The following TRIM64C variants were observed in gnomAD, a reference collection of about 807,000 sequenced individuals.
The protein encoded by TRIM64C is tripartite motif containing 64C.
In TRIM64C, 25 loss-of-function variants were observed where a neutral mutation model predicts 36.1. That is an observed-to-expected ratio of 0.69 (90% CI 0.51 to 0.97). The LOEUF is 0.97. Ranked by LOEUF, TRIM64C falls within the 50% of genes least tolerant of loss-of-function variation. TRIM64C has a pLI of 0.00. For missense variants in TRIM64C, 489 were observed against 536.8 expected, an observed-to-expected ratio of 0.91 and a Z score of 0.88; for synonymous variants, 212 against 185.7, an observed-to-expected ratio of 1.14 and a Z score of -1.15.
intron 5 of TRIM64C, 32 bp downstream of exon 5, chr11:49,055,278 T>C: frequency 6.5e-7 from 1 of 1,535,102 alleles, no homozygotes; most frequent in East Asian, 2.4e-5. Context: ...GGAAATAATT[T>C]GAGGCTGGAC....
chr11:49,057,745 A>G (rs1854830104), intron 2 of TRIM64C: 1 of 478,300 alleles, frequency 2.1e-6, no homozygotes, highest in South Asian at 1.7e-5. Context: ...CTTTTACTAT[A>G]TTTTTACTCT....
intron 2 of TRIM64C, among the ~76,000 whole-genome samples, chr11:49,057,596 T>C (rs1404434148): frequency 6.6e-6 from 1 of 151,874 alleles, no homozygotes; most frequent in Non-Finnish European, 1.5e-5. Flanking sequence ...CTGGTTTCCG[T>C]CACTGTAATG....
intron 3 of TRIM64C, 114 bp downstream of exon 3, chr11:49,057,034 A>T: frequency 3.7e-6 from 5 of 1,339,448 alleles, no homozygotes; most frequent in Non-Finnish European, 5.2e-6. Context: ...TGGAAGTCAC[A>T]CAGCATGTGT....
rs61886906 is a variant in TRIM64C, at chr11:49,054,069, G to A, written c.998C>T (p.Ala333Val). 0.048 allele frequency: 74,950 copies of A among 1,551,502 alleles called. 2,097 individuals carry two copies. Among genetic ancestry groups the A allele is most frequent in the Non-Finnish European group, 0.056 (63,706 of 1,146,832 alleles). Residue 333 changes from alanine to valine, a missense_variant, in exon 6 of 6, where the codon GCG (alanine) becomes GTG (valine). By Grantham distance (64) the Ala-to-Val change is moderately conservative (BLOSUM62 0). Coordinates refer to ENST00000617704, the MANE Select transcript of TRIM64C (RefSeq NM_001206631.1). Reference sequence around the variant, plus strand: ...ATGCTTGCCGGAGGTGAATGCTTGCGCACACCACACAGCAAAGCTCTCCAC... The same window carrying A: ...ATGCTTGCCGGAGGTGAATGCTTGCACACACCACACAGCAAAGCTCTCCAC... ...QGVESFAVWCAQAFTSGKHYW... is the reference protein window; with the variant it reads ...QGVESFAVWCVQAFTSGKHYW...
intron 1 of TRIM64C, among the ~76,000 whole-genome samples, 198 bp downstream of exon 1, chr11:49,058,503 C>T (rs1287138920): frequency 6.6e-6 from 1 of 151,752 alleles, no homozygotes; most frequent in Non-Finnish European, 1.5e-5. Flanking sequence ...AAGGAAACCT[C>T]CTTTAGTGAA....
chr11:49,058,146 A>C lies in TRIM64C; in HGVS notation c.439T>G (p.Leu147Val). ...TGTGTCTCTTGATTGATTTTCCATA[A>C]ATAGTCCATTTCCTTTATAAGTTTC... ...VQKLIKEMDYLWKINQETQNN... is the reference protein window; with the variant it reads ...VQKLIKEMDYVWKINQETQNN... Residue 147 changes from leucine to valine, a missense_variant, in exon 2 of 6, where the codon TTA (leucine) becomes GTA (valine). Transcript: ENST00000617704. The C allele has an allele frequency of 6.5e-7, 1 of 1,529,980 alleles. No homozygotes were observed. Among genetic ancestry groups the C allele is most frequent in the Non-Finnish European group, 8.7e-7 (1 of 1,144,286 alleles). 94.8% of individuals were successfully genotyped at this position (1,529,980 alleles called of 1,614,324 possible).
intron 4 of TRIM64C, 129 bp downstream of exon 4, chr11:49,056,230 A>C (rs2134720624): frequency 2.9e-6 from 2 of 695,396 alleles, no homozygotes; most frequent in East Asian, 2.9e-5. Context: ...AGAAGATCTC[A>C]GGCCCTCTTT....
chr11:49,057,103 C>T, intron 3 of TRIM64C, 45 bp downstream of exon 3: 1 of 1,547,964 alleles, frequency 6.5e-7, no homozygotes, highest in African/African-American at 1.4e-5. Context: ...GCAGCATTGT[C>T]CAGCAAAGGC....
At position 49,054,116 on chromosome 11, in the gene TRIM64C, A is replaced by G; in HGVS notation, c.951T>C (p.Ser317=). Residue 317 remains serine, a synonymous_variant, in exon 6 of 6, where the codon AGT becomes AGC. Coordinates refer to ENST00000617704, the MANE Select transcript of TRIM64C (RefSeq NM_001206631.1). ...RRVIFGDDHR[S]APMDPQGVES... ...CCACTCCTTGGGGATCCATGGGTGC[A>G]CTGCGATGGTCATCTCCAAATATCA... 1.9e-6 allele frequency: 3 copies of G among 1,551,594 alleles called. No individual in the cohort carries two copies. In the South Asian group the frequency reaches 3.6e-5, roughly 18 times the overall value.
At chr11:49,058,216 ATC>A (rs1443050195) in intron 1 of TRIM64C, 44 bp from the exon 2 acceptor site, 1 of 1,252,592 alleles carries the variant, frequency 8.0e-7, no homozygotes, top group Non-Finnish European at 1.1e-6. Flanking sequence ...AAGACAGTAG[ATC>A]TTATCCCTTT....
intron 2 of TRIM64C, chr11:49,057,648 A>G: frequency 2.0e-6 from 1 of 503,838 alleles, no homozygotes; most frequent in Middle Eastern, 5.7e-4. Flanking sequence ...TCCTCTATTA[A>G]TCTCTCTTTC....
chr11:49,054,618 C>CTAT (rs760219013), intron 5 of TRIM64C, among the ~76,000 whole-genome samples: 1 of 152,142 alleles, frequency 6.6e-6, no homozygotes, highest in Non-Finnish European at 1.5e-5. Context: ...TAGTCTCAAA[C>CTAT]ATCAAAAATT....
At chr11:49,055,510 T>C in intron 4 of TRIM64C, 103 bp from the exon 5 acceptor site, 2 of 1,454,018 alleles carry the variant, frequency 1.4e-6, no homozygotes, top group Non-Finnish European at 1.9e-6. Flanking sequence ...CTCAGAATTC[T>C]GCCGGTTTTG....
At position 49,054,123 on chromosome 11, in the gene TRIM64C, T is replaced by C; in HGVS notation, c.944A>G (p.His315Arg). ...DVRRVIFGDD[H>R]RSAPMDPQGV... is the part of the protein sequence containing the mutation. ...TTGGGGATCCATGGGTGCACTGCGATGGTCATCTCCAAATATCACACGTCT... is the reference window on the plus strand; with the variant it reads ...TTGGGGATCCATGGGTGCACTGCGACGGTCATCTCCAAATATCACACGTCT... The change falls in exon 6 of 6, where the codon CAT becomes CGT. Residue 315 changes from histidine (H) to arginine (R), a missense_variant. Transcript: ENST00000617704. 1 of 1,551,586 alleles carries C rather than the reference T, an allele frequency of 6.4e-7. No individual in the cohort carries two copies. The highest frequency in any genetic ancestry group is 8.7e-7 in the Non-Finnish European group (1 of 1,146,860).
In TRIM64C at chr11:49,053,884, G is replaced by A. The variant is rs2134718057; in HGVS notation, c.1183C>T (p.Pro395Ser). The change falls in exon 6 of 6, where the codon CCT (proline) becomes TCT (serine). Residue 395 changes from proline to serine, a missense_variant. By Grantham distance (74) the Pro-to-Ser change is moderately conservative. Coordinates refer to ENST00000617704, the MANE Select transcript of TRIM64C (RefSeq NM_001206631.1). ...GGCCTTTGCACATACTGGATTAAAGGTGGAGAATTGGTGGAGAGACTATAG... is the reference window on the plus strand; with the variant it reads ...GGCCTTTGCACATACTGGATTAAAGATGGAGAATTGGTGGAGAGACTATAG... ...NHYSLSTNSP[P>S]LIQYVQRPLG... 1 of 1,551,738 alleles carries A rather than the reference G, an allele frequency of 6.4e-7. No homozygotes were observed. Among genetic ancestry groups the A allele is most frequent in the East Asian group, 2.4e-5 (1 of 40,924 alleles).
In TRIM64C at chr11:49,055,411, C is replaced by A. The variant is rs1316125653; in HGVS notation, c.762-4G>T. ...TGGCATCTGTGCCAAATCAGTTCTG[C>A]AAAAAAAAAATGGCCTCAGTTATAT... On this transcript the variant is annotated splice_region_variant and splice_polypyrimidine_tract_variant and intron_variant, in intron 4 of 5. Transcript: ENST00000617704. 3.9e-4 allele frequency: 548 copies of A among 1,409,714 alleles called. No individual in the cohort carries two copies. The highest frequency in any genetic ancestry group is 3.8e-3 in the Admixed American group (180 of 47,604). The allele number at this position is 1,409,714 out of a possible 1,614,324, so 87.3% of individuals were successfully genotyped here. A position where few individuals can be genotyped will look rare whatever the true frequency, so the allele number is the denominator to read the frequency against.
chr11:49,057,010 G>A, intron 3 of TRIM64C, 138 bp downstream of exon 3: 4 of 1,254,872 alleles, frequency 3.2e-6, no homozygotes, highest in Non-Finnish European at 4.4e-6. Flanking sequence ...TAAATGACTG[G>A]AAAAATGTAA....
chr11:49,055,808 T>C (rs1201918893), intron 4 of TRIM64C, among the ~76,000 whole-genome samples: 6 of 152,148 alleles, frequency 3.9e-5, no homozygotes, highest in African/African-American at 1.4e-4. Flanking sequence ...GAATGTTCGC[T>C]GAGACAAAAG....
chr11:49,057,574 A>G (rs775293758), intron 2 of TRIM64C, among the ~76,000 whole-genome samples, 196 bp from the exon 3 acceptor site: 1 of 151,806 alleles, frequency 6.6e-6, no homozygotes, highest in Non-Finnish European at 1.5e-5. Flanking sequence ...AATCAAACCA[A>G]TATAAAGACT....
Sources: gnomAD v4.1 joint callset for allele counts (sites outside exome capture counted in the v4.1 genomes callset) on GRCh38, gnomAD v4.1.1 for gene constraint, MANE v1.5 for transcripts, NCBI Gene and HGNC (gene_info 2026-07-23, HGNC 2026-07-21) for gene names.